Variants in TNS3 observed in about 807,000 individuals in gnomAD.
TNS3 encodes tensin 3.
In TNS3, 45 loss-of-function variants were observed where a neutral mutation model predicts 140.9. The ratio of observed to expected loss-of-function variants is 0.32; its 90% CI spans 0.25 to 0.41. TNS3 has a LOEUF of 0.41. TNS3 is among the 10% of genes least tolerant of loss of function. TNS3 has a pLI of 1.00. For synonymous variants in TNS3, 815 were observed against 788.4 expected (o/e 1.03, Z -0.56); for missense variants, 1,716 against 1,906.7 (o/e 0.90, Z 1.86).
At chr7:47,306,550 A>G (rs559925621) in intron 20 of TNS3, among the ~76,000 whole-genome samples, 75 of 152,218 alleles carry the variant, frequency 4.9e-4, no homozygotes, top group African/African-American at 1.7e-3. Context: ...ATTTAGCACG[A>G]ATTCTTTTCC....
intron 20 of TNS3, among the ~76,000 whole-genome samples, chr7:47,322,023 C>G (rs1245964468): frequency 6.6e-6 from 1 of 152,018 alleles, no homozygotes; most frequent in Non-Finnish European, 1.5e-5. Flanking sequence ...AAGGAGGAGT[C>G]TCATTGGCAT....
intron 13 of TNS3, among the ~76,000 whole-genome samples, chr7:47,406,996 C>T (rs1194495073): frequency 1.3e-5 from 2 of 152,112 alleles, no homozygotes; most frequent in East Asian, 3.9e-4. Flanking sequence ...GCCCTGCACA[C>T]CCTCAGAACA....
chr7:47,478,153 G>A (rs1363987221), intron 4 of TNS3, among the ~76,000 whole-genome samples: 3 of 152,210 alleles, frequency 2.0e-5, no homozygotes, highest in African/African-American at 7.2e-5. Context: ...CTCTGCCCCA[G>A]TTCCAGCCCA....
rs142760638 is a variant in TNS3 at position 47,577,622 on chromosome 7, C to T, written c.-265+4429G>A. The stretch of plus-strand genomic sequence containing the variant: ...ACAACACACACAAGTTACTTGAGCT[C>T]GCTAAGTCTCAGCGCTCTCTTCCAG... On this transcript the variant is annotated intron_variant, in intron 1 of 30. Coordinates refer to ENST00000311160, the MANE Select transcript of TNS3 (RefSeq NM_022748.12). Among the ~76,000 whole-genome samples, 1,002 of 152,300 alleles carry T rather than the reference C, an allele frequency of 6.6e-3. 14 individuals are homozygous for T. The highest frequency in any genetic ancestry group is 0.023 in the African/African-American group (962 of 41,576).
chr7:47,576,993 G>A (rs917478985), intron 1 of TNS3, among the ~76,000 whole-genome samples: 1 of 152,222 alleles, frequency 6.6e-6, no homozygotes, highest in African/African-American at 2.4e-5. Flanking sequence ...AAGCATCAAC[G>A]AATTGGTCTC....
At chr7:47,498,297 C>A (rs546999542) in intron 3 of TNS3, among the ~76,000 whole-genome samples, 1 of 152,246 alleles carries the variant, frequency 6.6e-6, no homozygotes, top group East Asian at 1.9e-4. Context: ...AAGTTACCCT[C>A]ATTTCACAGA....
At chr7:47,383,989 T>C (rs1791925198) in intron 16 of TNS3, among the ~76,000 whole-genome samples, 1 of 152,188 alleles carries the variant, frequency 6.6e-6, no homozygotes, top group Non-Finnish European at 1.5e-5. Context: ...GAAAGTGACA[T>C]CTAAATTCAG....
chr7:47,302,956 G>C lies in TNS3; in HGVS notation c.3451C>G (p.Leu1151Val), dbSNP rs1383951327. The change falls in exon 22 of 31, where the codon CTG becomes GTG. Residue 1151 changes from leucine (L) to valine (V), a missense_variant. Physicochemically the swap from Leu to Val is conservative, Grantham distance 32. Coordinates refer to ENST00000311160, the MANE Select transcript of TNS3 (RefSeq NM_022748.12). Reference protein sequence around the residue: ...FSKASEAASPLPDSPGDKLVI... With the variant: ...FSKASEAASPVPDSPGDKLVI... ...CAGCTGGAAACACACCTACCTGGCA[G>C]AGGTGAGGCCGCTTCTGAAGCCTTG... 1 of 1,600,944 alleles carries C rather than the reference G, an allele frequency of 6.2e-7. No individual in the cohort carries two copies. Among genetic ancestry groups the C allele is most frequent in the African/African-American group, 1.3e-5 (1 of 74,714 alleles).
intron 3 of TNS3, among the ~76,000 whole-genome samples, chr7:47,490,438 T>C (rs193218795): frequency 6.6e-6 from 1 of 152,366 alleles, no homozygotes; most frequent in Non-Finnish European, 1.5e-5. Context: ...CAGGGTCTTC[T>C]GTAAAGGAAC....
At chr7:47,305,661 G>A (rs532772041) in intron 20 of TNS3, among the ~76,000 whole-genome samples, 9 of 152,358 alleles carry the variant, frequency 5.9e-5, no homozygotes, top group African/African-American at 2.2e-4. Flanking sequence ...GGGCCAGAAC[G>A]CAAACCTGCT....
At chr7:47,531,076 A>G (rs1002626775) in intron 1 of TNS3, among the ~76,000 whole-genome samples, 3 of 151,842 alleles carry the variant, frequency 2.0e-5, no homozygotes, top group Non-Finnish European at 4.4e-5. Flanking sequence ...GATGGACACA[A>G]AGAAGGGAAC....
At chr7:47,449,723 T>C (rs1480370445) in intron 4 of TNS3, among the ~76,000 whole-genome samples, 1 of 152,220 alleles carries the variant, frequency 6.6e-6, no homozygotes, top group African/African-American at 2.4e-5. Flanking sequence ...TTCTCCTGCC[T>C]CAGCCTCCAG....
chr7:47,368,643 C>G lies in TNS3; in HGVS notation c.2003G>C (p.Arg668Thr). ...QPSPSKAFKP[R>T]FPGDQVVNGA... ...ATTCACAACCTGGTCTCCTGGAAACCTGGGTTTGAACGCTTTGCTGGGAGA... is the reference window on the plus strand; with the variant it reads ...ATTCACAACCTGGTCTCCTGGAAACGTGGGTTTGAACGCTTTGCTGGGAGA... The change falls in exon 17 of 31, where the codon AGG becomes ACG. Residue 668 changes from arginine (R) to threonine (T), a missense_variant. Arg to Thr is a moderately conservative substitution (Grantham distance 71, BLOSUM62 -1). This residue lies in a region of TNS3 where 1,163 missense variants were observed against 1,182.1 expected (regional missense o/e 0.98). Coordinates refer to ENST00000311160, the MANE Select transcript of TNS3 (RefSeq NM_022748.12). 1 of 1,601,264 alleles carries G rather than the reference C, an allele frequency of 6.2e-7. No individual in the cohort carries two copies. The highest frequency in any genetic ancestry group is 8.5e-7 in the Non-Finnish European group (1 of 1,173,840).
intron 4 of TNS3, among the ~76,000 whole-genome samples, chr7:47,458,978 C>T (rs1270285569): frequency 6.6e-6 from 1 of 152,326 alleles, no homozygotes; most frequent in Admixed American, 6.5e-5. Context: ...AGGATGGACC[C>T]CTAAATAAGT....
chr7:47,377,864 C>T (rs1003526605), intron 16 of TNS3, among the ~76,000 whole-genome samples: 2 of 151,002 alleles, frequency 1.3e-5, no homozygotes, highest in African/African-American at 4.9e-5. Flanking sequence ...ACCCTCTCTC[C>T]TTGGGATAAC....
intron 17 of TNS3, among the ~76,000 whole-genome samples, chr7:47,364,612 G>T (rs907544243): frequency 6.6e-6 from 1 of 152,110 alleles, no homozygotes; most frequent in South Asian, 2.1e-4. Context: ...TGCCATGCAG[G>T]CTGTTCAGAG....
intron 2 of TNS3, among the ~76,000 whole-genome samples, chr7:47,524,050 G>A (rs1799087920): frequency 6.6e-6 from 1 of 152,246 alleles, no homozygotes; most frequent in African/African-American, 2.4e-5. Flanking sequence ...AGGATTCACA[G>A]CCAGCAAGCT....
chr7:47,539,416 A>G (rs334505), intron 1 of TNS3: 108,234 of 331,398 alleles, frequency 0.33, 18,934 homozygotes, highest in East Asian at 0.44. Context: ...TTCACTGGCA[A>G]GAAACAGTGC....
intron 7 of TNS3, among the ~76,000 whole-genome samples, chr7:47,436,388 A>T (rs999317868): frequency 1.1e-4 from 16 of 152,182 alleles, no homozygotes; most frequent in African/African-American, 3.9e-4. Flanking sequence ...ATGTTGACTC[A>T]GTCTTAAAAT....
Sources: allele counts gnomAD v4.1 joint callset (sites outside exome capture counted in the v4.1 genomes callset), GRCh38; gene constraint gnomAD v4.1.1; regional missense constraint gnomAD v4.1.1; transcripts MANE v1.5; gene names NCBI Gene and HGNC (gene_info 2026-07-23, HGNC 2026-07-21).